The following AQP9 variants were observed in gnomAD, a reference collection of about 807,000 sequenced individuals.
AQP9 encodes aquaporin-9.
Under a neutral mutation model 23.8 loss-of-function variants are expected in AQP9, and 19 were observed. The ratio of observed to expected loss-of-function variants is 0.80; its 90% CI spans 0.56 to 1.17. AQP9 has a LOEUF of 1.17. Ranked by LOEUF, AQP9 falls within the 50% of genes most tolerant of loss-of-function variation. AQP9 has a pLI of 0.00. For synonymous variants in AQP9, 153 were observed against 131.5 expected (o/e 1.16, Z -1.12); for missense variants, 413 against 362.0 (o/e 1.14, Z -1.14).
chr15:58,158,635 A>G (rs566451052), intron 1 of AQP9, among the ~76,000 whole-genome samples: 31 of 152,336 alleles, frequency 2.0e-4, no homozygotes, highest in African/African-American at 7.5e-4. Flanking sequence ...TATTTATTCC[A>G]AAGCGCATGA....
At position 58,184,142 on chromosome 15, in the gene AQP9, GCTC is replaced by G. The variant is rs769922791; in HGVS notation, c.*8_*10del. ...ACTCAGTGTCATCATGTAGTGGCAT[GCTC>G]AGCTCTGGATTTGCAGTCAGTTTGG... On this transcript the variant is annotated 3_prime_UTR_variant, in exon 6 of 6. Coordinates refer to ENST00000219919, the MANE Select transcript of AQP9 (RefSeq NM_020980.5). 11 of 1,612,454 alleles carry G rather than the reference GCTC, an allele frequency of 6.8e-6. No homozygotes were observed. The highest frequency in any genetic ancestry group is 9.3e-6 in the Non-Finnish European group (11 of 1,178,932).
At chr15:58,160,271 A>G (rs1275592578) in intron 1 of AQP9, among the ~76,000 whole-genome samples, 1 of 149,502 alleles carries the variant, frequency 6.7e-6, no homozygotes, top group Non-Finnish European at 1.5e-5. Context: ...TTTTTTTCAT[A>G]TGCCTGTTGG....
chr15:58,168,176 G>A (rs1191710097), intron 2 of AQP9, among the ~76,000 whole-genome samples: 4 of 151,532 alleles, frequency 2.6e-5, no homozygotes, highest in African/African-American at 9.7e-5. Context: ...CTACAGGTAC[G>A]AGCCACCACA....
intron 1 of AQP9, among the ~76,000 whole-genome samples, chr15:58,142,428 G>A (rs1327335249): frequency 1.3e-5 from 2 of 152,164 alleles, no homozygotes; most frequent in African/African-American, 2.4e-5. Flanking sequence ...AAATACATTA[G>A]CAGTGTCAAA....
At chr15:58,138,929 T>C in intron 1 of AQP9, 1 of 386,238 alleles carries the variant, frequency 2.6e-6, no homozygotes, top group Non-Finnish European at 4.8e-6. Flanking sequence ...AGTGCCTTCT[T>C]TATTTCAGGT....
intron 1 of AQP9, among the ~76,000 whole-genome samples, chr15:58,142,853 AC>A (rs1897975199): frequency 6.6e-6 from 1 of 152,130 alleles, no homozygotes; most frequent in African/African-American, 2.4e-5. Context: ...ACTGAGGGTC[AC>A]ATGGAGCTAG....
intron 4 of AQP9, among the ~76,000 whole-genome samples, chr15:58,176,053 T>C (rs959062310): frequency 1.3e-5 from 2 of 152,196 alleles, no homozygotes; most frequent in East Asian, 3.8e-4. Flanking sequence ...AGTACTGAAC[T>C]TTTTGGGTCG....
intron 1 of AQP9, among the ~76,000 whole-genome samples, chr15:58,146,368 T>G (rs1182958263): frequency 6.6e-6 from 1 of 152,142 alleles, no homozygotes; most frequent in Non-Finnish European, 1.5e-5. Context: ...AATTCCCTAT[T>G]TGGTTCTATC....
chr15:58,153,559 C>T (rs1437674172), intron 1 of AQP9: 1 of 152,150 alleles, frequency 6.6e-6, no homozygotes, highest in African/African-American at 2.4e-5. Flanking sequence ...GTATTAATCA[C>T]ACCTAGCATT....
chr15:58,159,905 T>C (rs1380769000), intron 1 of AQP9, among the ~76,000 whole-genome samples: 1 of 152,240 alleles, frequency 6.6e-6, no homozygotes, highest in Non-Finnish European at 1.5e-5. Context: ...TCCATTAATC[T>C]GGTTTGTGGG....
chr15:58,166,284 A>G (rs1243573320), intron 1 of AQP9, among the ~76,000 whole-genome samples: 1 of 152,234 alleles, frequency 6.6e-6, no homozygotes, highest in Non-Finnish European at 1.5e-5. Flanking sequence ...TTGGTTGATT[A>G]AAAGGAACCA....
intron 4 of AQP9, among the ~76,000 whole-genome samples, 154 bp from the exon 5 acceptor site, chr15:58,178,974 T>A (rs1206199729): frequency 6.6e-6 from 1 of 152,340 alleles, no homozygotes; most frequent in South Asian, 2.1e-4. Flanking sequence ...GGCACAATTA[T>A]TCACCCAGTA....
At chr15:58,167,487 T>C (rs1417260832) in intron 2 of AQP9, among the ~76,000 whole-genome samples, 1 of 152,190 alleles carries the variant, frequency 6.6e-6, no homozygotes, top group Non-Finnish European at 1.5e-5. Context: ...TGAGAAACCA[T>C]GCATGCTGAG....
At chr15:58,170,221 C>T (rs976642101) in intron 2 of AQP9, among the ~76,000 whole-genome samples, 3 of 152,114 alleles carry the variant, frequency 2.0e-5, no homozygotes, top group Non-Finnish European at 4.4e-5. Context: ...GGCCTCTAAC[C>T]AGAGGCATCA....
Position 58,175,137 on chromosome 15 carries a change from T to C in AQP9, c.495+101T>C. On this transcript the variant is annotated intron_variant, in intron 4 of 5. Coordinates refer to ENST00000219919, the MANE Select transcript of AQP9 (RefSeq NM_020980.5). The stretch of plus-strand genomic sequence containing the variant: ...GAGACCAATCAGAAAGGAGAGATTA[T>C]ATTTCCAAAGGCAGAGGTTGCTGGG... The C allele has an allele frequency of 2.6e-6, 3 of 1,142,920 alleles. No homozygotes were observed. The South Asian group carries it at 4.1e-5, about 16-fold the overall frequency. 70.8% of individuals were successfully genotyped at this position (1,142,920 alleles called of 1,614,324 possible).
At chr15:58,147,551 C>T (rs946885509) in intron 1 of AQP9, among the ~76,000 whole-genome samples, 3 of 152,130 alleles carry the variant, frequency 2.0e-5, no homozygotes, top group Non-Finnish European at 4.4e-5. Context: ...CTGCCCCTTG[C>T]CCTTTTCTCC....
chr15:58,182,285 C>G (rs551742283), intron 5 of AQP9, among the ~76,000 whole-genome samples: 133 of 152,284 alleles, frequency 8.7e-4, no homozygotes, highest in Middle Eastern at 3.4e-3. Flanking sequence ...GTCCTTTAGA[C>G]AGTTAACATA....
At chr15:58,152,703 T>A (rs1595730875) in intron 1 of AQP9, 2 of 152,274 alleles carry the variant, frequency 1.3e-5, no homozygotes, top group Admixed American at 1.3e-4. Context: ...TTGATACCCA[T>A]ACTACGTAAA....
At chr15:58,182,068 T>C (rs1279419098) in intron 5 of AQP9, among the ~76,000 whole-genome samples, 4 of 152,118 alleles carry the variant, frequency 2.6e-5, no homozygotes, top group Non-Finnish European at 5.9e-5. Context: ...TGATGGCAGG[T>C]ACAGCGAGAT....
Sources: allele counts gnomAD v4.1 joint callset (sites outside exome capture counted in the v4.1 genomes callset), GRCh38; gene constraint gnomAD v4.1.1; transcripts MANE v1.5; gene names NCBI Gene and HGNC (gene_info 2026-07-23, HGNC 2026-07-21).